Variants in MTO1 observed in about 807,000 individuals in gnomAD.
The protein encoded by MTO1 is mitochondrial tRNA translation optimization 1.
MTO1 carries 46 observed loss-of-function variants against 71.6 expected under a neutral mutation model. That is an observed-to-expected ratio of 0.64 (90% CI 0.51 to 0.82). The LOEUF is 0.82. Ranked by LOEUF, MTO1 falls within the 40% of genes least tolerant of loss-of-function variation. MTO1 has a pLI of 0.00. For synonymous variants in MTO1, 297 were observed against 312.1 expected (o/e 0.95, Z 0.51); for missense variants, 773 against 867.5 (o/e 0.89, Z 1.37).
intron 3 of MTO1, among the ~76,000 whole-genome samples, chr6:73,469,965 A>T (rs62438379): frequency 0.081 from 12,336 of 152,134 alleles, 643 homozygotes; most frequent in Non-Finnish European, 0.11. Context: ...TGATAGTGCC[A>T]CTGCACTCCA....
intron 4 of MTO1, among the ~76,000 whole-genome samples, chr6:73,478,968 A>C (rs927902672): frequency 6.9e-6 from 1 of 144,000 alleles, no homozygotes; most frequent in African/African-American, 2.6e-5. Flanking sequence ...GGCTCACTGC[A>C]ACCTCCGCCT....
At chr6:73,480,166 A>G (rs918284571) in intron 6 of MTO1, 40 bp downstream of exon 6, 4 of 1,593,874 alleles carry the variant, frequency 2.5e-6, no homozygotes, top group African/African-American at 1.3e-5. Flanking sequence ...TAAGGTCAGC[A>G]TTGTTTTAAT....
chr6:73,471,667 C>T (rs931020511), intron 3 of MTO1: 5 of 195,412 alleles, frequency 2.6e-5, no homozygotes, highest in Non-Finnish European at 5.4e-5. Flanking sequence ...ATCTTCCTGC[C>T]CCAGTCTCTC....
intron 9 of MTO1, chr6:73,486,613 T>C (rs745474437): frequency 2.3e-6 from 1 of 435,112 alleles, no homozygotes; most frequent in South Asian, 1.6e-5. Context: ...GTGGCAGACA[T>C]CTTAATCCCA....
intron 10 of MTO1, among the ~76,000 whole-genome samples, chr6:73,496,425 A>C (rs1315062124): frequency 6.6e-6 from 1 of 152,106 alleles, no homozygotes; most frequent in Non-Finnish European, 1.5e-5. Flanking sequence ...TTTACTTTTA[A>C]AATTTATAGC....
chr6:73,485,697 T>C (rs1771633638), intron 9 of MTO1, among the ~76,000 whole-genome samples: 1 of 152,232 alleles, frequency 6.6e-6, no homozygotes, highest in Non-Finnish European at 1.5e-5. Context: ...TGCCTTGGCC[T>C]CCCAAAGTGC....
At chr6:73,470,419 G>A (rs1373099171) in intron 3 of MTO1, among the ~76,000 whole-genome samples, 2 of 151,946 alleles carry the variant, frequency 1.3e-5, no homozygotes, top group South Asian at 2.1e-4. Context: ...TGTTAGCCAG[G>A]ATGTTCTCGA....
intron 9 of MTO1, among the ~76,000 whole-genome samples, chr6:73,484,445 T>A (rs575872376): frequency 6.6e-6 from 1 of 152,148 alleles, no homozygotes; most frequent in South Asian, 2.1e-4. Context: ...GGCAAAAAGC[T>A]CCCCAACCCT....
intron 4 of MTO1, 136 bp from the exon 5 acceptor site, chr6:73,479,596 C>A: frequency 1.7e-6 from 1 of 586,412 alleles, no homozygotes; most frequent in South Asian, 2.9e-5. Flanking sequence ...GGCAAGAATA[C>A]TTCATAAGTA....
chr6:73,480,174 A>T (rs1464693080), intron 6 of MTO1, 48 bp downstream of exon 6: 1 of 1,579,838 alleles, frequency 6.3e-7, no homozygotes, highest in Non-Finnish European at 8.7e-7. Flanking sequence ...GCATTGTTTT[A>T]ATGGTCAGTG....
intron 4 of MTO1, among the ~76,000 whole-genome samples, chr6:73,477,254 G>C (rs1173072103): frequency 1.3e-5 from 2 of 150,784 alleles, no homozygotes; most frequent in East Asian, 2.1e-4. Flanking sequence ...AAATTAGCTG[G>C]GCATGGTGGC....
At chr6:73,498,976 C>T (rs1221589471) in intron 11 of MTO1, among the ~76,000 whole-genome samples, 1 of 152,116 alleles carries the variant, frequency 6.6e-6, no homozygotes, top group Non-Finnish European at 1.5e-5. Context: ...ATCTGCCCGC[C>T]TTGGCCTCCC....
chr6:73,496,036 C>T (rs767807644), intron 10 of MTO1, among the ~76,000 whole-genome samples: 4 of 152,126 alleles, frequency 2.6e-5, no homozygotes, highest in Non-Finnish European at 5.9e-5. Flanking sequence ...TACTTCACAA[C>T]TATTCTTTGT....
At chr6:73,493,292 G>T (rs1018616129) in intron 10 of MTO1, among the ~76,000 whole-genome samples, 1 of 146,018 alleles carries the variant, frequency 6.8e-6, no homozygotes, top group Admixed American at 7.0e-5. Context: ...ACTGCACCTG[G>T]CCAAAAATAA....
chr6:73,487,229 A>G (rs1319703353), intron 9 of MTO1, among the ~76,000 whole-genome samples: 1 of 130,616 alleles, frequency 7.7e-6, no homozygotes, highest in Non-Finnish European at 1.6e-5. Flanking sequence ...AGACCGTCTC[A>G]CTCTGTCACT....
chr6:73,495,708 T>C (rs1284330339), intron 10 of MTO1, among the ~76,000 whole-genome samples: 3 of 152,174 alleles, frequency 2.0e-5, no homozygotes, highest in Non-Finnish European at 4.4e-5. Flanking sequence ...TGTTTTGTTA[T>C]ATGTGAATAC....
intron 4 of MTO1, among the ~76,000 whole-genome samples, chr6:73,476,635 T>C (rs757942273): frequency 6.6e-6 from 1 of 152,100 alleles, no homozygotes; most frequent in Non-Finnish European, 1.5e-5. Context: ...ACATTTATTC[T>C]TATTCTTTTT....
intron 9 of MTO1, among the ~76,000 whole-genome samples, chr6:73,483,816 T>C (rs1419038647): frequency 1.4e-5 from 2 of 141,392 alleles, no homozygotes; most frequent in Middle Eastern, 3.6e-3. Flanking sequence ...AGATGGAGTC[T>C]CACTCTGTCA....
chr6:73,481,992 G>A (rs570028263), intron 7 of MTO1, 48 bp from the exon 8 acceptor site: 67 of 1,599,054 alleles, frequency 4.2e-5, no homozygotes, highest in East Asian at 2.5e-4. Flanking sequence ...TGGGATAGCC[G>A]TTTGTTTAGT....
Sources: allele counts gnomAD v4.1 joint callset (sites outside exome capture counted in the v4.1 genomes callset), GRCh38; gene constraint gnomAD v4.1.1; transcripts MANE v1.5; gene names NCBI Gene and HGNC (gene_info 2026-07-23, HGNC 2026-07-21).